UPP2: variants seen among roughly 807,000 people sequenced by gnomAD.
UPP2 encodes uridine phosphorylase 2.
Under a neutral mutation model 26.7 loss-of-function variants are expected in UPP2, and 23 were observed. The observed-to-expected ratio is 0.86, with a 90% CI of 0.62 to 1.22. The LOEUF is 1.22. Among genes scored for constraint, UPP2 ranks in the 50% most tolerant of loss-of-function variants. The pLI, the probability that UPP2 is intolerant of heterozygous loss-of-function variation, is 0.00. For synonymous variants in UPP2, 127 were observed against 141.3 expected, an observed-to-expected ratio of 0.90 and a Z score of 0.72; for missense variants, 387 against 396.7, an observed-to-expected ratio of 0.98 and a Z score of 0.21.
chr2:158,128,656 C>G (rs1208242207), intron 6 of UPP2, among the ~76,000 whole-genome samples: 1 of 152,200 alleles, frequency 6.6e-6, no homozygotes, highest in East Asian at 1.9e-4. Context: ...TTGGCTGACT[C>G]AGGCAGCTTT....
At chr2:158,027,940 G>T (rs1180832025) in intron 3 of UPP2, among the ~76,000 whole-genome samples, 1 of 152,176 alleles carries the variant, frequency 6.6e-6, no homozygotes, top group African/African-American at 2.4e-5. Flanking sequence ...GGAGTGACTG[G>T]GATGCAGGGC....
At chr2:158,077,523 C>T (rs1014088274) in intron 3 of UPP2, among the ~76,000 whole-genome samples, 1 of 151,908 alleles carries the variant, frequency 6.6e-6, no homozygotes, top group African/African-American at 2.4e-5. Flanking sequence ...GACAAAGGTG[C>T]CAAGAACGTA....
intron 3 of UPP2, among the ~76,000 whole-genome samples, chr2:158,067,078 C>G (rs1050052468): frequency 1.3e-5 from 2 of 151,384 alleles, no homozygotes; most frequent in Admixed American, 1.3e-4. Flanking sequence ...CTCTTCCTAA[C>G]CATTCTTGCA....
At chr2:158,022,594 T>C (rs929365360) in intron 3 of UPP2, among the ~76,000 whole-genome samples, 20 of 152,198 alleles carry the variant, frequency 1.3e-4, no homozygotes, top group Non-Finnish European at 2.9e-4. Context: ...ACACAATAGT[T>C]GATTTCACTG....
chr2:158,039,608 A>C (rs536169955), intron 3 of UPP2, among the ~76,000 whole-genome samples: 1 of 152,188 alleles, frequency 6.6e-6, no homozygotes, highest in Non-Finnish European at 1.5e-5. Context: ...CAGTGTCCCA[A>C]CTAAGGCTTA....
intron 3 of UPP2, among the ~76,000 whole-genome samples, chr2:158,035,149 G>A (rs1683980128): frequency 6.6e-6 from 1 of 151,256 alleles, no homozygotes; most frequent in Non-Finnish European, 1.5e-5. Flanking sequence ...AGTTTAAGAG[G>A]ATCAGAATCT....
At chr2:158,101,771 C>G, upstream of UPP2, 1 of 1,038,000 alleles carries the variant, frequency 9.6e-7, no homozygotes, top group Non-Finnish European at 1.2e-6. Flanking sequence ...GGTCAAAGAG[C>G]TAGGATGCCA....
chr2:158,123,861 G>A lies in UPP2; in HGVS notation c.777G>A (p.Val259=). The change falls in exon 6 of 7, where the codon GTG becomes GTA. Residue 259 remains valine (V), a synonymous_variant. Transcript: ENST00000005756. ...GGAATATTGAAATGGAATCTACAGT[G>A]TTTGCAGCTATGTGTGGACTCTGTG... ...GVRNIEMEST[V]FAAMCGLCGL... 6.2e-7 allele frequency: 1 copy of A among 1,614,070 alleles called. No homozygotes were observed. Among genetic ancestry groups the A allele is most frequent in the Middle Eastern group, 1.7e-4 (1 of 6,058 alleles).
At chr2:158,042,789 T>G (rs1684098935) in intron 3 of UPP2, among the ~76,000 whole-genome samples, 1 of 152,210 alleles carries the variant, frequency 6.6e-6, no homozygotes, top group East Asian at 1.9e-4. Flanking sequence ...GCAGAGAGAC[T>G]GGAGAGGCCG....
chr2:158,081,993 G>A (rs1682735267), intron 3 of UPP2, among the ~76,000 whole-genome samples: 1 of 150,342 alleles, frequency 6.7e-6, no homozygotes, highest in East Asian at 2.0e-4. Flanking sequence ...TGTCATCCAA[G>A]CTGGAGTGCA....
At chr2:158,127,887 T>C in intron 6 of UPP2, 1 of 530,134 alleles carries the variant, frequency 1.9e-6, no homozygotes, top group Middle Eastern at 1.0e-3. Context: ...ACCTGTTCAA[T>C]GGAAGCACTG....
chr2:158,041,034 A>G (rs985191153), intron 3 of UPP2, among the ~76,000 whole-genome samples: 1 of 152,202 alleles, frequency 6.6e-6, no homozygotes, highest in African/African-American at 2.4e-5. Context: ...ACTTGTAAAA[A>G]TGGTGCTAAT....
intron 3 of UPP2, among the ~76,000 whole-genome samples, chr2:158,067,997 G>A (rs1270398437): frequency 6.6e-6 from 1 of 151,998 alleles, no homozygotes; most frequent in Non-Finnish European, 1.5e-5. Flanking sequence ...CATTGCTACT[G>A]TTATTATTAT....
At chr2:158,047,938 T>C (rs1484467078) in intron 3 of UPP2, among the ~76,000 whole-genome samples, 2 of 152,170 alleles carry the variant, frequency 1.3e-5, no homozygotes, top group African/African-American at 4.8e-5. Flanking sequence ...GGATTTTTGC[T>C]CCCGTCACAG....
At chr2:158,065,467 A>T in intron 3 of UPP2, 1 of 291,232 alleles carries the variant, frequency 3.4e-6, no homozygotes, top group South Asian at 3.6e-5. Context: ...AGTAGACTTC[A>T]GTTTCTTTGC....
intron 3 of UPP2, among the ~76,000 whole-genome samples, chr2:158,019,062 T>TA (rs1683704408): frequency 6.6e-6 from 1 of 152,188 alleles, no homozygotes; most frequent in African/African-American, 2.4e-5. Flanking sequence ...GCAAGACAAT[T>TA]AAACCATCCA....
chr2:158,101,268 G>A (rs1394931296), upstream of UPP2, among the ~76,000 whole-genome samples: 1 of 152,170 alleles, frequency 6.6e-6, no homozygotes, highest in Non-Finnish European at 1.5e-5. Context: ...GTGAATTCAT[G>A]CCTTTCTTGG....
chr2:158,094,824 G>A lies in UPP2; in HGVS notation c.148-7216G>A, dbSNP rs185346098. ...GGACTGAACCTTCCTTGAGTTCCCA[G>A]GAAAATCACCCCCTCTCCCTTCAGT... On this transcript the variant is annotated intron_variant, in intron 3 of 9. Coordinates refer to the UPP2 transcript ENST00000605860. Among the ~76,000 whole-genome samples the A allele has an allele frequency of 1.3e-3, 195 of 152,258 alleles. 1 individual carries two copies. Among genetic ancestry groups the A allele is most frequent in the African/African-American group, 4.5e-3 (187 of 41,536 alleles).
At chr2:158,087,063 G>A (rs1016046017) in intron 3 of UPP2, among the ~76,000 whole-genome samples, 3 of 152,032 alleles carry the variant, frequency 2.0e-5, no homozygotes, top group Non-Finnish European at 2.9e-5. Flanking sequence ...TCATGATGAC[G>A]TGTCTATTGC....
Sources: gnomAD v4.1 joint callset for allele counts (sites outside exome capture counted in the v4.1 genomes callset) on GRCh38, gnomAD v4.1.1 for gene constraint, MANE v1.5 for transcripts, NCBI Gene and HGNC (gene_info 2026-07-23, HGNC 2026-07-21) for gene names.